Variants in DLG2 observed in about 807,000 individuals in gnomAD.
DLG2 encodes the protein discs large MAGUK scaffold protein 2, also known as disks large homolog 2.
Under a neutral mutation model 132.5 loss-of-function variants are expected in DLG2, and 45 were observed. The ratio of observed to expected loss-of-function variants is 0.34; its 90% CI spans 0.27 to 0.44. The LOEUF (loss-of-function observed/expected upper bound fraction) is 0.44. Ranked by LOEUF, DLG2 falls within the 20% of genes least tolerant of loss-of-function variation. DLG2 has a pLI of 1.00. For missense variants in DLG2, 1,045 were observed against 1,196.9 expected (o/e 0.87, Z 1.87); for synonymous variants, 424 against 419.6 (o/e 1.01, Z -0.13).
rs1386681797 is a variant in DLG2, at chr11:84,166,942, T to C, written c.574-3431A>G. On this transcript the variant is annotated intron_variant, in intron 8 of 27. Coordinates refer to ENST00000376104, the MANE Select transcript of DLG2 (RefSeq NM_001142699.3). The stretch of plus-strand genomic sequence containing the variant: ...TTTTCTTGTACAGTAACACTTACGG[T>C]AATATTTAAGTACCTTGGTCATATT... The C allele has an allele frequency of 7.5e-6, 4 of 533,276 alleles. No homozygotes were observed. The African/African-American group carries it at 7.7e-5, about 10-fold the overall frequency. The allele number at this position is 533,276 out of a possible 1,614,324, so 33.0% of individuals were successfully genotyped here.
At chr11:85,628,317 C>G (rs1159689174), upstream of DLG2, among the ~76,000 whole-genome samples, 1 of 152,150 alleles carries the variant, frequency 6.6e-6, no homozygotes, top group Non-Finnish European at 1.5e-5. Context: ...CCCCATCTTT[C>G]CCGCAGGACG....
At chr11:85,363,756 T>G (rs565533741) in intron 3 of DLG2, among the ~76,000 whole-genome samples, 1 of 152,356 alleles carries the variant, frequency 6.6e-6, no homozygotes, top group Non-Finnish European at 1.5e-5. Context: ...GCTTTGGCAT[T>G]TTAATGTTCA....
At chr11:83,972,470 A>G (rs2091509970) in intron 12 of DLG2, among the ~76,000 whole-genome samples, 1 of 152,132 alleles carries the variant, frequency 6.6e-6, no homozygotes, top group African/African-American at 2.4e-5. Context: ...AGGGCTCTTT[A>G]TGTAGAAATT....
At chr11:84,217,517 T>A (rs2096852708) in intron 8 of DLG2, among the ~76,000 whole-genome samples, 1 of 152,168 alleles carries the variant, frequency 6.6e-6, no homozygotes, top group Admixed American at 6.5e-5. Context: ...CTCTTTCTTT[T>A]GTAAATTGCC....
chr11:85,193,391 C>G (rs2080769828), intron 4 of DLG2, among the ~76,000 whole-genome samples: 1 of 152,150 alleles, frequency 6.6e-6, no homozygotes, highest in African/African-American at 2.4e-5. Context: ...TATAAGTTTT[C>G]ATAGAAACAT....
At chr11:84,548,750 A>ACACT (rs2099395867) in intron 6 of DLG2, among the ~76,000 whole-genome samples, 1 of 152,078 alleles carries the variant, frequency 6.6e-6, no homozygotes, top group Non-Finnish European at 1.5e-5. Context: ...TACGGAGACC[A>ACACT]CACTAAGTAT....
chr11:83,980,233 C>T (rs1488863757), intron 12 of DLG2, among the ~76,000 whole-genome samples: 1 of 152,130 alleles, frequency 6.6e-6, no homozygotes, highest in Non-Finnish European at 1.5e-5. Context: ...AGAGACAGAT[C>T]TCTCTCTGCA....
chr11:84,080,265 C>A (rs973519134), intron 10 of DLG2, among the ~76,000 whole-genome samples: 4 of 152,178 alleles, frequency 2.6e-5, no homozygotes, highest in African/African-American at 9.7e-5. Flanking sequence ...ATCCCTTATG[C>A]TTATTATATC....
intron 4 of DLG2, among the ~76,000 whole-genome samples, chr11:85,182,706 T>C (rs1437713281): frequency 1.3e-5 from 2 of 151,194 alleles, no homozygotes; most frequent in Non-Finnish European, 3.0e-5. Context: ...TATTCAGAAA[T>C]TTAGCTGGGA....
intron 3 of DLG2, among the ~76,000 whole-genome samples, chr11:85,424,818 C>CTCCACAAA (rs1184476179): frequency 1.3e-5 from 2 of 152,234 alleles, no homozygotes; most frequent in East Asian, 3.9e-4. Context: ...AAAAACAGCC[C>CTCCACAAA]TCCACAAATC....
intron 9 of DLG2, among the ~76,000 whole-genome samples, chr11:84,099,447 G>C (rs1035512191): frequency 4.6e-5 from 7 of 151,982 alleles, no homozygotes; most frequent in Non-Finnish European, 7.4e-5. Context: ...TTTAATAGAA[G>C]AGTGAACTTG....
chr11:83,675,354 A>G (rs1302240170), intron 18 of DLG2, among the ~76,000 whole-genome samples: 1 of 152,228 alleles, frequency 6.6e-6, no homozygotes, highest in African/African-American at 2.4e-5. Flanking sequence ...TAGCAAACAC[A>G]TGTACAAAAA....
intron 4 of DLG2, among the ~76,000 whole-genome samples, chr11:85,270,010 C>T (rs2077428930): frequency 6.6e-6 from 1 of 152,092 alleles, no homozygotes; most frequent in African/African-American, 2.4e-5. Context: ...TAAGTGTTAG[C>T]TATCATTAAA....
intron 17 of DLG2, among the ~76,000 whole-genome samples, chr11:83,814,215 T>C (rs1280423275): frequency 1.1e-4 from 17 of 152,100 alleles, no homozygotes; most frequent in Non-Finnish European, 5.9e-5. Flanking sequence ...TACTGGCACA[T>C]CAGACGTATC....
chr11:84,632,859 T>A (rs138552604), intron 6 of DLG2, among the ~76,000 whole-genome samples: 1 of 152,348 alleles, frequency 6.6e-6, no homozygotes, highest in Non-Finnish European at 1.5e-5. Context: ...TTAGTTTTAC[T>A]GCACGCAAGC....
intron 18 of DLG2, among the ~76,000 whole-genome samples, chr11:83,718,580 T>C (rs570300371): frequency 6.8e-6 from 1 of 147,678 alleles, no homozygotes; most frequent in East Asian, 2.0e-4. Flanking sequence ...TCCCATGTTA[T>C]GGAAACAATC....
chr11:83,801,673 T>G (rs540571722), intron 17 of DLG2, among the ~76,000 whole-genome samples: 1 of 152,192 alleles, frequency 6.6e-6, no homozygotes, highest in Non-Finnish European at 1.5e-5. Context: ...GACAATCACA[T>G]TGAAAGTAGC....
chr11:84,561,692 A>C (rs534845028), intron 6 of DLG2, among the ~76,000 whole-genome samples: 1 of 152,322 alleles, frequency 6.6e-6, no homozygotes, highest in South Asian at 2.1e-4. Flanking sequence ...TATAATCTAT[A>C]GCAAGAATGC....
chr11:84,530,212 T>C (rs1227467035), intron 7 of DLG2, among the ~76,000 whole-genome samples: 1 of 152,102 alleles, frequency 6.6e-6, no homozygotes, highest in African/African-American at 2.4e-5. Flanking sequence ...ACTTAGGAAA[T>C]ACTATTCTGG....
Sources: gnomAD v4.1 joint callset for allele counts (sites outside exome capture counted in the v4.1 genomes callset) on GRCh38, gnomAD v4.1.1 for gene constraint, MANE v1.5 for transcripts, NCBI Gene and HGNC (gene_info 2026-07-23, HGNC 2026-07-21) for gene names.